XPO4: variants seen among roughly 807,000 people sequenced by gnomAD.
XPO4 encodes the protein exportin 4, also known as exportin-4.
Under a neutral mutation model 143.0 loss-of-function variants are expected in XPO4, and 39 were observed. The ratio of observed to expected loss-of-function variants is 0.27; its 90% CI spans 0.21 to 0.36. XPO4 has a LOEUF of 0.36. XPO4 is among the 10% of genes least tolerant of loss of function. The pLI is 1.00. For missense variants in XPO4, 907 were observed against 1,348.0 expected (o/e 0.67, Z 5.12); for synonymous variants, 439 against 474.0 (o/e 0.93, Z 0.96).
intron 3 of XPO4, chr13:20,856,818 A>C: frequency 1.8e-5 from 17 of 953,180 alleles, no homozygotes; most frequent in Non-Finnish European, 2.1e-5. Flanking sequence ...AGGCCTCTGA[A>C]CTTCTATTCC....
chr13:20,786,800 T>C (rs1211585780), intron 22 of XPO4, among the ~76,000 whole-genome samples, 165 bp downstream of exon 22: 1 of 152,164 alleles, frequency 6.6e-6, no homozygotes, highest in Admixed American at 6.5e-5. Context: ...CAAACTGACA[T>C]GTGAAAGCTA....
chr13:20,839,508 G>A (rs924282871), intron 6 of XPO4, among the ~76,000 whole-genome samples: 3 of 152,064 alleles, frequency 2.0e-5, no homozygotes, highest in African/African-American at 7.2e-5. Flanking sequence ...TTCTAAATGG[G>A]TATATAGTAT....
intron 3 of XPO4, chr13:20,857,989 G>A: frequency 1.0e-6 from 1 of 984,756 alleles, no homozygotes; most frequent in Non-Finnish European, 1.2e-6. Flanking sequence ...ATAGCCTATA[G>A]TATTCTACCT....
chr13:20,830,484 G>A (rs1309801062), intron 6 of XPO4, among the ~76,000 whole-genome samples: 3 of 151,972 alleles, frequency 2.0e-5, no homozygotes, highest in African/African-American at 7.3e-5. Flanking sequence ...AGCCAGCCTG[G>A]TTATACCACT....
At chr13:20,786,292 T>C (rs1359923425) in intron 22 of XPO4, among the ~76,000 whole-genome samples, 2 of 102,902 alleles carry the variant, frequency 1.9e-5, no homozygotes, top group Non-Finnish European at 4.0e-5. Context: ...GGTATATATA[T>C]ATATACGTGT....
chr13:20,852,351 C>G (rs1408924115), intron 4 of XPO4: 14 of 985,290 alleles, frequency 1.4e-5, no homozygotes, highest in Non-Finnish European at 1.7e-5. Flanking sequence ...GATAATATTT[C>G]CAAGTAGCAG....
intron 7 of XPO4, among the ~76,000 whole-genome samples, chr13:20,825,550 A>G (rs1314961664): frequency 2.0e-5 from 3 of 152,216 alleles, no homozygotes; most frequent in Non-Finnish European, 4.4e-5. Flanking sequence ...GTGGTTGTTC[A>G]CAGCTGACAG....
chr13:20,902,318 A>G, intron 1 of XPO4: 1 of 985,088 alleles, frequency 1.0e-6, no homozygotes, highest in South Asian at 4.7e-5. Context: ...AATTTCCCCT[A>G]CCGAAGCCCT....
chr13:20,862,781 A>C lies in XPO4; in HGVS notation c.253T>G (p.Leu85Val). ...AGAGACTCGATGCTACCTTTTTCCA[A>C]GAGAATCCACTCTCGGACAACTGCT... The part of the protein sequence containing the change: ...MEAVVREWIL[L>V]EKGSIESLRT... Residue 85 changes from leucine (L) to valine (V), a missense_variant, in exon 3 of 23, where the codon TTG becomes GTG. Transcript: ENST00000255305. 6.2e-7 allele frequency: 1 copy of C among 1,614,204 alleles called. No individual in the cohort carries two copies. Among genetic ancestry groups the C allele is most frequent in the Non-Finnish European group, 8.5e-7 (1 of 1,180,014 alleles).
At position 20,821,886 on chromosome 13, in the gene XPO4, C is replaced by T; in HGVS notation, c.999-8G>A. ...GAATCTTCTATTTCAATTCTAAAAC[C>T]AAGGAATGAGTATTATTAAGTGGCA... On this transcript the variant is annotated splice_polypyrimidine_tract_variant and splice_region_variant and intron_variant, in intron 8 of 22. Transcript: ENST00000255305. The T allele has an allele frequency of 6.2e-7, 1 of 1,609,998 alleles. No homozygotes were observed. Among genetic ancestry groups the T allele is most frequent in the South Asian group, 1.1e-5 (1 of 90,198 alleles).
chr13:20,801,114 A>C (rs2059426913), intron 13 of XPO4, 124 bp from the exon 14 acceptor site: 2 of 1,056,274 alleles, frequency 1.9e-6, no homozygotes, highest in African/African-American at 1.6e-5. Context: ...GCTATACTTG[A>C]ACATTTCATC....
intron 4 of XPO4, chr13:20,851,683 C>T (rs1205480682): frequency 4.8e-6 from 4 of 838,250 alleles, no homozygotes; most frequent in East Asian, 1.3e-4. Flanking sequence ...GCCCTCCAGC[C>T]GAGGCAACAG....
intron 18 of XPO4, among the ~76,000 whole-genome samples, chr13:20,792,428 T>TA (rs1476784905): frequency 2.0e-5 from 3 of 151,770 alleles, no homozygotes; most frequent in South Asian, 2.1e-4. Flanking sequence ...TAGTATCTGC[T>TA]AAAAAAGGCG....
At position 20,777,380 on chromosome 13, in the gene XPO4, C is replaced by G. The variant is rs1341257395; in HGVS notation, c.*6342G>C. ...TGAGCATCTACTATTATATTTCATC[C>G]ATCACTTTTAAATTTTTTCTTTGGG... On this transcript the variant is annotated 3_prime_UTR_variant, in exon 23 of 23. Transcript: ENST00000255305. 1 of 152,040 alleles carries G rather than the reference C, an allele frequency of 6.6e-6. No homozygotes were observed. Among genetic ancestry groups the G allele is most frequent in the African/African-American group, 2.4e-5 (1 of 41,374 alleles). The allele number at this position is 152,040 out of a possible 1,614,324, so 9.4% of individuals were successfully genotyped here. A position where few individuals can be genotyped will look rare whatever the true frequency, so the allele number is the denominator to read the frequency against.
At chr13:20,790,695 G>A in intron 18 of XPO4, 115 bp from the exon 19 acceptor site, 2 of 776,288 alleles carry the variant, frequency 2.6e-6, no homozygotes, top group South Asian at 3.2e-5. Flanking sequence ...ATCAATGAGT[G>A]AATAATAAAG....
chr13:20,843,209 C>T (rs965194597), intron 5 of XPO4, among the ~76,000 whole-genome samples, 161 bp from the exon 6 acceptor site: 2 of 152,228 alleles, frequency 1.3e-5, no homozygotes, highest in East Asian at 1.9e-4. Context: ...TAATTTACAT[C>T]GCAGTATGCT....
intron 16 of XPO4, among the ~76,000 whole-genome samples, chr13:20,797,559 C>A (rs573308716): frequency 6.6e-6 from 1 of 152,150 alleles, no homozygotes; most frequent in East Asian, 1.9e-4. Context: ...TATCTTAATT[C>A]GACTTTAAGT....
chr13:20,861,147 A>C (rs1314968027), intron 3 of XPO4, among the ~76,000 whole-genome samples: 1 of 152,154 alleles, frequency 6.6e-6, no homozygotes, highest in Non-Finnish European at 1.5e-5. Flanking sequence ...TTCTTTAATG[A>C]CTTTGGAAAT....
intron 1 of XPO4, among the ~76,000 whole-genome samples, chr13:20,883,621 A>T (rs1392691990): frequency 6.6e-6 from 1 of 152,234 alleles, no homozygotes; most frequent in Non-Finnish European, 1.5e-5. Flanking sequence ...GTATAATGAA[A>T]GCATGTTCCT....
Sources: gnomAD v4.1 joint callset for allele counts (sites outside exome capture counted in the v4.1 genomes callset) on GRCh38, gnomAD v4.1.1 for gene constraint, MANE v1.5 for transcripts, NCBI Gene and HGNC (gene_info 2026-07-23, HGNC 2026-07-21) for gene names.